PCDHA3: variants seen among roughly 807,000 people sequenced by gnomAD.
The protein encoded by PCDHA3 is protocadherin alpha 3.
A neutral mutation model predicts 62.2 loss-of-function variants in PCDHA3; 41 were observed. That is an observed-to-expected ratio of 0.66 (90% CI 0.51 to 0.86). The LOEUF (loss-of-function observed/expected upper bound fraction) is 0.86. Among genes scored for constraint, PCDHA3 ranks in the 40% least tolerant of loss-of-function variants. The probability of loss-of-function intolerance (pLI) is 0.00; values close to 1 mark genes in which losing one functional copy is unlikely to be tolerated. For missense variants in PCDHA3, 1,304 were observed against 1,241.2 expected, an observed-to-expected ratio of 1.05 and a Z score of -0.76; for synonymous variants, 640 against 555.4, an observed-to-expected ratio of 1.15 and a Z score of -2.14.
At chr5:140,869,529 T>A in intron 1 of PCDHA3, 2 of 1,614,166 alleles carry the variant, frequency 1.2e-6, no homozygotes, top group Non-Finnish European at 1.7e-6. Flanking sequence ...AGCTGCTGAT[T>A]GCGGAATCTA....
chr5:140,926,353 C>T (rs1402316154), intron 1 of PCDHA3: 1 of 152,272 alleles, frequency 6.6e-6, no homozygotes, highest in Non-Finnish European at 1.5e-5. Flanking sequence ...ACGCGCGGCT[C>T]CCAAAGGGCG....
Position 140,962,743 on chromosome 5 carries a change from A to T in PCDHA3, c.2395-16206A>T, listed in dbSNP as rs1298793627. 2.0e-5 allele frequency among the ~76,000 whole-genome samples: 3 copies of T among 152,324 alleles called. No individual in the cohort carries two copies. The East Asian group carries it at 5.8e-4, about 29-fold the overall frequency. On this transcript the variant is annotated intron_variant, in intron 1 of 3. Coordinates refer to ENST00000522353, the MANE Select transcript of PCDHA3 (RefSeq NM_018906.3). Reference sequence around the variant, plus strand: ...ATTTTCCTTCTGGGGATGCATGAAGATCAGGAATCCTATTCGTTTTTAACA... The same window carrying T: ...ATTTTCCTTCTGGGGATGCATGAAGTTCAGGAATCCTATTCGTTTTTAACA...
intron 1 of PCDHA3, among the ~76,000 whole-genome samples, chr5:140,951,327 C>T (rs782778063): frequency 5.3e-5 from 8 of 152,026 alleles, no homozygotes; most frequent in Non-Finnish European, 8.8e-5. Context: ...TGAGATTCAT[C>T]ATTCTGTTTG....
Position 140,846,956 on chromosome 5 carries a change from G to A in PCDHA3, c.2394+43365G>A, listed in dbSNP as rs144830979. On this transcript the variant is annotated intron_variant, in intron 1 of 3. Transcript: ENST00000522353. ...AGAAATACTTGAAGGGGCATGGTGT[G>A]TTTCAGTGGTTTTAAAATAAGTAAG... 2.7e-5 allele frequency among the ~76,000 whole-genome samples: 4 copies of A among 149,688 alleles called. No individual in the cohort carries two copies. In the East Asian group the frequency reaches 7.8e-4, roughly 29 times the overall value.
At chr5:140,979,817 A>G (rs1228260788) in intron 2 of PCDHA3, among the ~76,000 whole-genome samples, 1 of 152,262 alleles carries the variant, frequency 6.6e-6, no homozygotes, top group Non-Finnish European at 1.5e-5. Flanking sequence ...AAAAGGATTT[A>G]ATTTTAAAGA....
chr5:140,971,263 C>T (rs1554233162), intron 1 of PCDHA3, among the ~76,000 whole-genome samples: 1 of 152,186 alleles, frequency 6.6e-6, no homozygotes, highest in African/African-American at 2.4e-5. Flanking sequence ...CTATTTCTGT[C>T]TTACACTGAC....
chr5:140,898,033 GTTGT>G (rs2066486498), intron 1 of PCDHA3, among the ~76,000 whole-genome samples: 1 of 152,032 alleles, frequency 6.6e-6, no homozygotes, highest in South Asian at 2.1e-4. Flanking sequence ...TTTTGATGGG[GTTGT>G]TTGTTTTTTT....
At chr5:140,975,917 A>C (rs1287006605) in intron 1 of PCDHA3, among the ~76,000 whole-genome samples, 1 of 152,220 alleles carries the variant, frequency 6.6e-6, no homozygotes, top group Non-Finnish European at 1.5e-5. Context: ...TATTCTACCA[A>C]AAGACTAACC....
intron 3 of PCDHA3, among the ~76,000 whole-genome samples, chr5:140,997,372 A>G (rs2097768557): frequency 6.6e-6 from 1 of 152,208 alleles, no homozygotes; most frequent in Non-Finnish European, 1.5e-5. Context: ...CCTAGATGAT[A>G]TAGCATACTA....
intron 1 of PCDHA3, among the ~76,000 whole-genome samples, chr5:140,916,856 G>C (rs529499839): frequency 2.6e-5 from 4 of 152,254 alleles, no homozygotes; most frequent in South Asian, 2.1e-4. Flanking sequence ...CCAGCACTAG[G>C]AGTTACCTAG....
At chr5:140,911,785 T>C (rs1334155529) in intron 1 of PCDHA3, among the ~76,000 whole-genome samples, 1 of 152,180 alleles carries the variant, frequency 6.6e-6, no homozygotes, top group Non-Finnish European at 1.5e-5. Context: ...CTTAGCATTT[T>C]TGGGTCTAAT....
At chr5:140,808,476 G>C (rs1554124581) in intron 1 of PCDHA3, 1 of 1,614,058 alleles carries the variant, frequency 6.2e-7, no homozygotes, top group Non-Finnish European at 8.5e-7. Context: ...GCGCGAGACG[G>C]GGGCTCGCCT....
intron 1 of PCDHA3, chr5:140,850,325 G>A (rs1554144196): frequency 2.5e-6 from 4 of 1,597,604 alleles, no homozygotes; most frequent in Non-Finnish European, 1.7e-6. Context: ...TTTCATACGA[G>A]CTGCAGCCAG....
At chr5:140,883,960 G>C in intron 1 of PCDHA3, 5 of 1,613,090 alleles carry the variant, frequency 3.1e-6, no homozygotes, top group Non-Finnish European at 4.2e-6. Flanking sequence ...ACGCTCCGGC[G>C]CTGCTGACGC....
intron 1 of PCDHA3, chr5:140,834,486 G>A: frequency 6.2e-7 from 1 of 1,614,160 alleles, no homozygotes; most frequent in Non-Finnish European, 8.5e-7. Context: ...CCACTACTCG[G>A]TCCCCGAGGA....
At chr5:140,908,728 C>T (rs2074119712) in intron 1 of PCDHA3, among the ~76,000 whole-genome samples, 1 of 152,202 alleles carries the variant, frequency 6.6e-6, no homozygotes, top group Non-Finnish European at 1.5e-5. Context: ...GGTCATATGG[C>T]TCGAGAAACA....
intron 1 of PCDHA3, chr5:140,830,161 G>T: frequency 6.2e-7 from 1 of 1,613,372 alleles, no homozygotes; most frequent in Non-Finnish European, 8.5e-7. Context: ...CGGGCCCAGA[G>T]GCGGCGCTGG....
intron 1 of PCDHA3, chr5:140,877,591 G>GT: frequency 6.2e-7 from 1 of 1,613,852 alleles, no homozygotes; most frequent in Non-Finnish European, 8.5e-7. Context: ...CATCTGTGCG[G>GT]TGTCCAGCCT....
At chr5:140,932,525 A>G (rs2088383031) in intron 1 of PCDHA3, among the ~76,000 whole-genome samples, 1 of 151,898 alleles carries the variant, frequency 6.6e-6, no homozygotes, top group Non-Finnish European at 1.5e-5. Flanking sequence ...TGTTTGTGGC[A>G]TTCAAGGTGC....
Sources: gnomAD v4.1 joint callset for allele counts (sites outside exome capture counted in the v4.1 genomes callset) on GRCh38, gnomAD v4.1.1 for gene constraint, MANE v1.5 for transcripts, NCBI Gene and HGNC (gene_info 2026-07-23, HGNC 2026-07-21) for gene names.